SLC35F1: variants seen among roughly 807,000 people sequenced by gnomAD.
SLC35F1 encodes solute carrier family 35 member F1.
SLC35F1 carries 14 observed loss-of-function variants against 48.7 expected under a neutral mutation model. The ratio of observed to expected loss-of-function variants is 0.29; its 90% CI spans 0.19 to 0.45. The LOEUF (loss-of-function observed/expected upper bound fraction) is 0.45. SLC35F1 is among the 20% of genes least tolerant of loss of function. The pLI is 1.00. For synonymous variants in SLC35F1, 190 were observed against 202.2 expected (o/e 0.94, Z 0.51); for missense variants, 404 against 500.0 (o/e 0.81, Z 1.83).
intron 1 of SLC35F1, among the ~76,000 whole-genome samples, chr6:118,028,840 A>ACGCCTGT (rs1771996225): frequency 6.6e-6 from 1 of 152,112 alleles, no homozygotes; most frequent in Admixed American, 6.6e-5. Context: ...GTGCTTTTGC[A>ACGCCTGT]AAAGATAGCA....
chr6:118,298,583 G>A (rs1392764798), intron 7 of SLC35F1, among the ~76,000 whole-genome samples: 2 of 152,014 alleles, frequency 1.3e-5, no homozygotes, highest in African/African-American at 4.8e-5. Context: ...ACTGTTTCCT[G>A]AGTTCACCCA....
At chr6:118,170,306 C>T (rs1402917116) in intron 2 of SLC35F1, among the ~76,000 whole-genome samples, 2 of 152,150 alleles carry the variant, frequency 1.3e-5, no homozygotes, top group South Asian at 2.1e-4. Context: ...AAGGCACATG[C>T]CCACTTTATA....
At chr6:118,237,148 G>A (rs755465690) in intron 3 of SLC35F1, among the ~76,000 whole-genome samples, 5 of 152,152 alleles carry the variant, frequency 3.3e-5, no homozygotes, top group Non-Finnish European at 5.9e-5. Context: ...TAAGGACCTT[G>A]AAAGCAAGAA....
At chr6:117,940,900 G>A (rs1426425527) in intron 1 of SLC35F1, among the ~76,000 whole-genome samples, 3 of 152,044 alleles carry the variant, frequency 2.0e-5, no homozygotes, top group Admixed American at 1.3e-4. Flanking sequence ...CCACCCACCT[G>A]GGCCTCTCAA....
intron 1 of SLC35F1, among the ~76,000 whole-genome samples, chr6:118,061,818 A>T (rs1772544304): frequency 6.6e-6 from 1 of 152,098 alleles, no homozygotes. Flanking sequence ...AGGAGCATGC[A>T]ACCTAGATCC....
chr6:118,232,502 C>T (rs1283563738), intron 2 of SLC35F1, among the ~76,000 whole-genome samples: 2 of 144,992 alleles, frequency 1.4e-5, no homozygotes, highest in African/African-American at 2.6e-5. Flanking sequence ...GAGCCAAGAT[C>T]GCGCCATTGC....
intron 2 of SLC35F1, among the ~76,000 whole-genome samples, chr6:118,179,494 T>C (rs916657966): frequency 6.6e-6 from 1 of 152,162 alleles, no homozygotes; most frequent in Non-Finnish European, 1.5e-5. Flanking sequence ...CTTGCCCACA[T>C]TGGTGAGGGC....
intron 2 of SLC35F1, among the ~76,000 whole-genome samples, chr6:118,180,385 G>A (rs989500440): frequency 1.1e-4 from 16 of 152,010 alleles, no homozygotes; most frequent in Admixed American, 9.9e-4. Context: ...TACAGAAACA[G>A]ACCTGCAAAG....
rs570751092 is a variant in SLC35F1 at position 118,191,710 on chromosome 6, G to A, written c.349+37090G>A. 3.3e-5 allele frequency among the ~76,000 whole-genome samples: 5 copies of A among 152,264 alleles called. No homozygotes were observed. In the East Asian group the frequency reaches 9.6e-4, roughly 29 times the overall value. ...AACCACAAAAACCTTTCTTTACCTG[G>A]TGAAAATACAGTGTAGCATAATAAT... On this transcript the variant is annotated intron_variant, in intron 2 of 7. Transcript: ENST00000360388.
At chr6:118,157,297 GT>G (rs201840621) in intron 2 of SLC35F1, among the ~76,000 whole-genome samples, 1 of 152,042 alleles carries the variant, frequency 6.6e-6, no homozygotes, top group Admixed American at 6.5e-5. Context: ...AAAAGGAGAG[GT>G]TTTTTTCCTT....
chr6:118,094,596 AG>A (rs2114351118), intron 1 of SLC35F1, among the ~76,000 whole-genome samples: 1 of 152,300 alleles, frequency 6.6e-6, no homozygotes, highest in Non-Finnish European at 1.5e-5. Flanking sequence ...AAGAGTATCC[AG>A]TAAGGTCAGA....
chr6:117,975,095 T>A (rs963487209), intron 1 of SLC35F1, among the ~76,000 whole-genome samples: 2 of 152,346 alleles, frequency 1.3e-5, no homozygotes, highest in East Asian at 3.9e-4. Context: ...CCATAGCCTC[T>A]GAGTTTTGCA....
chr6:118,213,861 C>T (rs1775039275), intron 2 of SLC35F1, among the ~76,000 whole-genome samples: 1 of 152,122 alleles, frequency 6.6e-6, no homozygotes. Flanking sequence ...TCTAGCATTG[C>T]TTCTTAGGAT....
chr6:118,271,797 C>A (rs537708363), intron 4 of SLC35F1, among the ~76,000 whole-genome samples: 37 of 152,272 alleles, frequency 2.4e-4, no homozygotes, highest in African/African-American at 8.7e-4. Context: ...AAATGCCCAA[C>A]CCAAAGAGAC....
intron 7 of SLC35F1, among the ~76,000 whole-genome samples, chr6:118,299,543 GAT>G (rs1354982482): frequency 3.3e-5 from 5 of 152,280 alleles, no homozygotes; most frequent in Middle Eastern, 3.4e-3. Flanking sequence ...AAAATGTGAT[GAT>G]ATAGTAATAT....
intron 1 of SLC35F1, among the ~76,000 whole-genome samples, chr6:117,971,616 C>T (rs1776639803): frequency 6.6e-6 from 1 of 152,252 alleles, no homozygotes; most frequent in African/African-American, 2.4e-5. Context: ...TTCCATACAT[C>T]CTCTGAAATC....
intron 1 of SLC35F1, among the ~76,000 whole-genome samples, chr6:117,932,650 G>A (rs1281832652): frequency 6.6e-6 from 1 of 152,182 alleles, no homozygotes; most frequent in Non-Finnish European, 1.5e-5. Flanking sequence ...GTACTCTGTA[G>A]TGTAATTAGC....
intron 2 of SLC35F1, among the ~76,000 whole-genome samples, chr6:118,209,953 G>T (rs142680279): frequency 4.6e-5 from 7 of 152,164 alleles, no homozygotes; most frequent in Non-Finnish European, 7.4e-5. Flanking sequence ...TGATTTGTAC[G>T]TTTGCTATTC....
At chr6:118,008,157 C>T (rs13198431) in intron 1 of SLC35F1, among the ~76,000 whole-genome samples, 48,895 of 151,868 alleles carry the variant, frequency 0.32, 8,005 homozygotes, top group Admixed American at 0.39. Flanking sequence ...GATGTATATC[C>T]CAATTACCCT....
Sources: gnomAD v4.1 joint callset for allele counts (sites outside exome capture counted in the v4.1 genomes callset) on GRCh38, gnomAD v4.1.1 for gene constraint, MANE v1.5 for transcripts, NCBI Gene and HGNC (gene_info 2026-07-23, HGNC 2026-07-21) for gene names.